The following CACNA1E variants were observed in gnomAD, a reference collection of about 807,000 sequenced individuals.
CACNA1E encodes the protein voltage-dependent R-type calcium channel subunit alpha-1E.
CACNA1E carries 40 observed loss-of-function variants against 259.2 expected under a neutral mutation model. The observed-to-expected ratio is 0.15, with a 90% CI of 0.12 to 0.20. The LOEUF is 0.20. Among genes scored for constraint, CACNA1E ranks in the 10% least tolerant of loss-of-function variants. CACNA1E has a pLI of 1.00. For synonymous variants in CACNA1E, 1,104 were observed against 1,138.5 expected, an observed-to-expected ratio of 0.97 and a Z score of 0.61; for missense variants, 1,874 against 3,040.1, an observed-to-expected ratio of 0.62 and a Z score of 9.02.
At chr1:181,790,353 A>T in intron 43 of CACNA1E, 92 bp from the exon 44 acceptor site, 1 of 687,822 alleles carries the variant, frequency 1.5e-6, no homozygotes, top group Non-Finnish European at 2.5e-6. Context: ...TACAAAAGCC[A>T]GCCAAGGCTA....
intron 6 of CACNA1E, among the ~76,000 whole-genome samples, chr1:181,619,862 T>C (rs1379697036): frequency 6.6e-6 from 1 of 151,764 alleles, no homozygotes; most frequent in Non-Finnish European, 1.5e-5. Flanking sequence ...TGGAGAATGG[T>C]GAGAAGAGCA....
chr1:181,553,615 T>C (rs1648416890), intron 3 of CACNA1E, among the ~76,000 whole-genome samples: 1 of 152,222 alleles, frequency 6.6e-6, no homozygotes. Context: ...TTTTTGCCCA[T>C]TCAGTGTGAT....
At chr1:181,706,324 G>C (rs1254926346) in intron 7 of CACNA1E, among the ~76,000 whole-genome samples, 1 of 152,036 alleles carries the variant, frequency 6.6e-6, no homozygotes, top group Non-Finnish European at 1.5e-5. Flanking sequence ...AAGAGGACAG[G>C]GTACTCAGAT....
intron 13 of CACNA1E, 107 bp downstream of exon 13, chr1:181,719,970 C>A: frequency 1.3e-6 from 1 of 759,144 alleles, no homozygotes; most frequent in Non-Finnish European, 2.1e-6. Flanking sequence ...GGAAAGTATC[C>A]CTTCCCTGCC....
At chr1:181,476,002 G>T (rs1473742676) in intron 2 of CACNA1E, among the ~76,000 whole-genome samples, 5 of 152,176 alleles carry the variant, frequency 3.3e-5, no homozygotes, top group Non-Finnish European at 7.3e-5. Flanking sequence ...TGCCCTACAG[G>T]TGAGAGCAGT....
At chr1:181,729,293 T>TGCACAGGTGTGTGTGCC (rs1456846589) in intron 18 of CACNA1E, among the ~76,000 whole-genome samples, 2 of 149,454 alleles carry the variant, frequency 1.3e-5, no homozygotes, top group African/African-American at 4.9e-5. Context: ...GTGTGTGTGC[T>TGCACAGGTGTGTGTGCC]CTGCACAGGT....
chr1:181,336,956 A>C, intron 1 of CACNA1E, among the ~76,000 whole-genome samples: 1 of 149,636 alleles, frequency 6.7e-6, no homozygotes, highest in African/African-American at 2.4e-5. Context: ...ATATAATGCA[A>C]AGAAAATTAA....
At chr1:181,592,338 C>T (rs536489790) in intron 6 of CACNA1E, among the ~76,000 whole-genome samples, 1 of 152,082 alleles carries the variant, frequency 6.6e-6, no homozygotes, top group East Asian at 1.9e-4. Flanking sequence ...TGTCGGAACC[C>T]ACCAAAGATG....
At chr1:181,391,277 T>G (rs1571745741) in intron 1 of CACNA1E, among the ~76,000 whole-genome samples, 1 of 152,154 alleles carries the variant, frequency 6.6e-6, no homozygotes, top group Non-Finnish European at 1.5e-5. Flanking sequence ...TAATCTAAGA[T>G]CCTGCCACTC....
intron 6 of CACNA1E, among the ~76,000 whole-genome samples, chr1:181,619,841 T>C (rs1024862950): frequency 7.2e-5 from 11 of 152,052 alleles, no homozygotes; most frequent in Non-Finnish European, 1.6e-4. Context: ...GCATTGTAAT[T>C]AACTAAGCTG....
chr1:181,455,421 A>C (rs1051685344), intron 2 of CACNA1E, among the ~76,000 whole-genome samples: 2 of 152,218 alleles, frequency 1.3e-5, no homozygotes, highest in Non-Finnish European at 2.9e-5. Context: ...GGATAACGTG[A>C]GAAGAGCCTT....
chr1:181,573,326 C>T (rs1321561957), intron 3 of CACNA1E, among the ~76,000 whole-genome samples: 1 of 152,136 alleles, frequency 6.6e-6, no homozygotes, highest in Non-Finnish European at 1.5e-5. Flanking sequence ...ATGTGTCTGT[C>T]TACTTCCACT....
chr1:181,711,368 G>A (rs571289323), intron 8 of CACNA1E, among the ~76,000 whole-genome samples: 7 of 152,220 alleles, frequency 4.6e-5, no homozygotes, highest in African/African-American at 1.7e-4. Flanking sequence ...TTGTAATACC[G>A]TTCCTGGTGC....
chr1:181,407,437 A>G (rs1402992320), intron 1 of CACNA1E, among the ~76,000 whole-genome samples: 1 of 152,218 alleles, frequency 6.6e-6, no homozygotes, highest in Non-Finnish European at 1.5e-5. Flanking sequence ...CACTGCTTTT[A>G]GGACAGTGTT....
intron 1 of CACNA1E, among the ~76,000 whole-genome samples, chr1:181,356,785 C>T (rs1045167262): frequency 1.3e-5 from 2 of 152,168 alleles, no homozygotes; most frequent in Admixed American, 1.3e-4. Context: ...GTTTCCTTGT[C>T]CTGGGATGTG....
rs113213882 is a variant in CACNA1E, at chr1:181,370,152, A to T, written c.-14-42981A>T. ...AAAAAAACAAAATTAAAATACAATGAACCCTGAAAAGCTGCATTCCAACTT... is the reference window on the plus strand; with the variant it reads ...AAAAAAACAAAATTAAAATACAATGTACCCTGAAAAGCTGCATTCCAACTT... On this transcript the variant is annotated intron_variant, in intron 1 of 11. Transcript: ENST00000524607. 7.5e-3 allele frequency among the ~76,000 whole-genome samples: 1,145 copies of T among 152,288 alleles called. 17 individuals carry two copies. Among genetic ancestry groups the T allele is most frequent in the African/African-American group, 0.026 (1,086 of 41,550 alleles).
chr1:181,682,878 C>G (rs1281227605), intron 7 of CACNA1E, among the ~76,000 whole-genome samples: 2 of 152,188 alleles, frequency 1.3e-5, no homozygotes, highest in Non-Finnish European at 2.9e-5. Context: ...ATGATCCGGT[C>G]ACCTTCCACC....
chr1:181,434,394 ATTT>A (rs34732298), intron 2 of CACNA1E, among the ~76,000 whole-genome samples: 79 of 149,116 alleles, frequency 5.3e-4, no homozygotes, highest in African/African-American at 1.9e-3. Context: ...CTACTGGCCA[ATTT>A]TTTTTTTTTT....
chr1:181,679,387 T>C (rs894382980), intron 7 of CACNA1E, among the ~76,000 whole-genome samples: 3 of 152,134 alleles, frequency 2.0e-5, no homozygotes, highest in Admixed American at 6.5e-5. Context: ...AATCCAAAGC[T>C]CACGTGCTTT....
Sources: allele counts gnomAD v4.1 joint callset (sites outside exome capture counted in the v4.1 genomes callset), GRCh38; gene constraint gnomAD v4.1.1; transcripts MANE v1.5; gene names NCBI Gene and HGNC (gene_info 2026-07-23, HGNC 2026-07-21).